Variants in NCOR2 observed in about 807,000 individuals in gnomAD.
NCOR2 encodes CTG repeat protein 26.
NCOR2 carries 81 observed loss-of-function variants against 262.9 expected under a neutral mutation model. The observed-to-expected ratio is 0.31, with a 90% CI of 0.26 to 0.37. The LOEUF (loss-of-function observed/expected upper bound fraction) is 0.37. NCOR2 is among the 10% of genes least tolerant of loss of function. The probability of loss-of-function intolerance (pLI) is 1.00; values close to 1 mark genes in which losing one functional copy is unlikely to be tolerated. For missense variants in NCOR2, 3,385 were observed against 3,621.4 expected (o/e 0.93, Z 1.68); for synonymous variants, 1,659 against 1,559.3 (o/e 1.06, Z -1.51).
chr12:124,502,720 A>G (rs1369254440), intron 1 of NCOR2, among the ~76,000 whole-genome samples: 1 of 152,174 alleles, frequency 6.6e-6, no homozygotes, highest in East Asian at 1.9e-4. Context: ...GGTGCACTTT[A>G]AACAAGGCTG....
intron 13 of NCOR2, among the ~76,000 whole-genome samples, chr12:124,403,527 A>G (rs775024984): frequency 2.0e-5 from 3 of 151,856 alleles, no homozygotes; most frequent in African/African-American, 4.8e-5. Flanking sequence ...TTTCTTGGAC[A>G]CCCCAAGGTC....
In NCOR2 at chr12:124,531,799, C is replaced by T. The variant is rs1212202812; in HGVS notation, c.-118+3766G>A. On this transcript the variant is annotated intron_variant, in intron 1 of 46. Coordinates refer to the NCOR2 transcript ENST00000404621. The surrounding 1 kb of genome is among the most constrained non-coding windows in gnomAD (Gnocchi z 4.5). Reference sequence around the variant, plus strand: ...TACACACCTTCGGTGTCCCCGATCACCCGCCCAGGGTACCCCGAGACCCCA... The same window carrying T: ...TACACACCTTCGGTGTCCCCGATCATCCGCCCAGGGTACCCCGAGACCCCA... 6.6e-6 allele frequency among the ~76,000 whole-genome samples: 1 copy of T among 151,940 alleles called. No homozygotes were observed. Among genetic ancestry groups the T allele is most frequent in the East Asian group, 1.9e-4 (1 of 5,164 alleles).
At chr12:124,355,904 A>G (rs1048254850) in intron 23 of NCOR2, among the ~76,000 whole-genome samples, 3 of 152,100 alleles carry the variant, frequency 2.0e-5, no homozygotes, top group Non-Finnish European at 4.4e-5. Flanking sequence ...CTTTTTGGAA[A>G]AGTCTACTGG....
intron 8 of NCOR2, among the ~76,000 whole-genome samples, chr12:124,435,475 G>A (rs752792715): frequency 7.2e-5 from 11 of 152,260 alleles, no homozygotes; most frequent in Admixed American, 2.0e-4. Context: ...CCCGAGGGCT[G>A]CCCGCAGCTT....
In NCOR2 at chr12:124,431,758, ACACACAGT is replaced by A. The variant is rs147557954; in HGVS notation, c.883-979_883-972del. 3.0e-3 allele frequency among the ~76,000 whole-genome samples: 457 copies of A among 151,576 alleles called. No homozygotes were observed. The East Asian group carries it at 0.035, about 12-fold the overall frequency. ...CACCCACACGGTACACACACAGTAG[ACACACAGT>A]CACACAGTCACATGGCAGACACACA... is the stretch of plus-strand genomic sequence containing the variant. On this transcript the variant is annotated intron_variant, in intron 8 of 46. Transcript: ENST00000405201.
intron 1 of NCOR2, among the ~76,000 whole-genome samples, chr12:124,507,581 G>C (rs1421257010): frequency 6.6e-6 from 1 of 152,208 alleles, no homozygotes; most frequent in Non-Finnish European, 1.5e-5. Context: ...CGGCCACAGG[G>C]CATGGCTGGG....
chr12:124,325,377 G>GGCCCCCC, exon 47 of NCOR2: 1 of 246,780 alleles, frequency 4.1e-6, no homozygotes, highest in South Asian at 1.2e-4. Flanking sequence ...ACCTGACACC[G>GGCCCCCC]CCCCCCCCCC....
intron 19 of NCOR2, 42 bp downstream of exon 21, chr12:124,374,371 C>T (rs756941755): frequency 7.5e-6 from 12 of 1,600,308 alleles, no homozygotes; most frequent in Admixed American, 6.7e-5. Flanking sequence ...ATGCCCGCCC[C>T]GGCCCGGCCC....
In NCOR2 at chr12:124,443,987, C is replaced by G. The variant is rs1169059985; in HGVS notation, c.815+5828G>C. ...TCGCCCAGCTCCCCGTTCCTCAGCC[C>G]CTACTACTCCCTATTGCCTCACACC... On this transcript the variant is annotated intron_variant, in intron 7 of 46. Transcript: ENST00000405201. This position sits in a 1 kb window ranked among gnomAD's most constrained non-coding sequence, Gnocchi z 4.4. Among the ~76,000 whole-genome samples the G allele has an allele frequency of 6.6e-6, 1 of 152,130 alleles. No homozygotes were observed. The highest frequency in any genetic ancestry group is 2.4e-5 in the African/African-American group (1 of 41,436).
At chr12:124,330,040 C>T (rs957433755) in intron 44 of NCOR2, among the ~76,000 whole-genome samples, 20 of 152,212 alleles carry the variant, frequency 1.3e-4, no homozygotes, top group African/African-American at 4.1e-4. Flanking sequence ...GACTATCCTT[C>T]GCTCACCATT....
At chr12:124,371,930 G>C in intron 20 of NCOR2, 92 bp downstream of exon 22, 1 of 1,318,254 alleles carries the variant, frequency 7.6e-7, no homozygotes, top group Non-Finnish European at 1.0e-6. Flanking sequence ...AAAGCAGGCA[G>C]AGCCAGACTG....
intron 1 of NCOR2, among the ~76,000 whole-genome samples, chr12:124,556,947 C>A (rs889897129): frequency 1.3e-5 from 2 of 152,094 alleles, no homozygotes; most frequent in Admixed American, 6.5e-5. Context: ...TGCAAAGGCC[C>A]CGTGGCGGAA....
chr12:124,375,640 T>A (rs1487086484), intron 18 of NCOR2, among the ~76,000 whole-genome samples: 1 of 152,220 alleles, frequency 6.6e-6, no homozygotes, highest in African/African-American at 2.4e-5. Flanking sequence ...TCCTTTCCTT[T>A]CTGCCTGGAG....
Position 124,336,894 on chromosome 12 carries a change from C to T in NCOR2, c.5974G>A (p.Ala1992Thr), listed in dbSNP as rs368518568. The T allele has an allele frequency of 5.0e-5, 80 of 1,604,488 alleles. No individual in the cohort carries two copies. Among genetic ancestry groups the T allele is most frequent in the Non-Finnish European group, 6.4e-5 (75 of 1,174,868 alleles). ...GCGAGGTTCTTCGCAGGGGTGCGGG[C>T]GATGGTGGCGTGGCCAGAGACAGGA... The change falls in exon 38 of 47, where the codon GCC becomes ACC. Residue 1992 changes from alanine (A) to threonine (T), a missense_variant. By Grantham distance (58) the Ala-to-Thr change is moderately conservative (BLOSUM62 0). Coordinates refer to ENST00000405201, the Ensembl canonical transcript of NCOR2.
chr12:124,491,556 G>A (rs554925533), intron 1 of NCOR2, among the ~76,000 whole-genome samples: 14 of 152,316 alleles, frequency 9.2e-5, no homozygotes, highest in African/African-American at 2.2e-4. Context: ...AGGCCACACA[G>A]CAGAAAAGAG....
chr12:124,390,050 T>C (rs1371386454), intron 16 of NCOR2, among the ~76,000 whole-genome samples: 1 of 152,172 alleles, frequency 6.6e-6, no homozygotes, highest in Non-Finnish European at 1.5e-5. Flanking sequence ...GTCTCTGGAA[T>C]GTCCCTGCAC....
chr12:124,418,060 CA>C (rs56362015), intron 13 of NCOR2, among the ~76,000 whole-genome samples: 3,392 of 86,840 alleles, frequency 0.039, 62 homozygotes, highest in South Asian at 0.18. Context: ...AACTCCATCT[CA>C]AAAAAAAAAA....
chr12:124,333,888 G>GTGTGTGCGCGCGCA (rs1555299232), intron 41 of NCOR2, among the ~76,000 whole-genome samples: 1 of 20,688 alleles, frequency 4.8e-5, no homozygotes, highest in Non-Finnish European at 1.6e-4. Flanking sequence ...GGGTGTGCAT[G>GTGTGTGCGCGCGCA]TGTGTGTGCG....
At chr12:124,487,831 A>G (rs1018335613) in intron 1 of NCOR2, among the ~76,000 whole-genome samples, 2 of 151,734 alleles carry the variant, frequency 1.3e-5, no homozygotes, top group Non-Finnish European at 2.9e-5. Context: ...ATGTATACCA[A>G]TTGCCAAGTA....
Sources: gnomAD v4.1 joint callset for allele counts (sites outside exome capture counted in the v4.1 genomes callset) on GRCh38, gnomAD v4.1.1 for gene constraint, Gnocchi (gnomAD v3.1) non-coding constraint, MANE v1.5 for transcripts, NCBI Gene and HGNC (gene_info 2026-07-23, HGNC 2026-07-21) for gene names.